The following PPOX variants were observed in gnomAD, a reference collection of about 807,000 sequenced individuals.
PPOX encodes the protein protoporphyrinogen oxidase.
In PPOX, 23 loss-of-function variants were observed where a neutral mutation model predicts 54.1. That is an observed-to-expected ratio of 0.43 (90% confidence interval 0.31 to 0.60). The LOEUF is 0.60. Ranked by LOEUF, PPOX falls within the 20% of genes least tolerant of loss-of-function variation. The pLI is 0.13. For synonymous variants in PPOX, 224 were observed against 236.1 expected (o/e 0.95, Z 0.47); for missense variants, 512 against 601.1 (o/e 0.85, Z 1.55).
rs570626025 is a variant in PPOX at position 161,166,686 on chromosome 1, C to T, written c.-9+14C>T. On this transcript the variant is annotated intron_variant, in intron 1 of 12. Coordinates refer to ENST00000367999, the MANE Select transcript of PPOX (RefSeq NM_001122764.3). ...TACCTATTGTGGGTGAGTCCTGGCC[C>T]CTGGACGGGGACCTCGCTGTTCCAC... 5 of 1,518,800 alleles carry T rather than the reference C, an allele frequency of 3.3e-6. No homozygotes were observed. The South Asian group carries it at 6.2e-5, about 19-fold the overall frequency. 94.1% of individuals were successfully genotyped at this position (1,518,800 alleles called of 1,614,324 possible). A position where few individuals can be genotyped will look rare whatever the true frequency, so the allele number is the denominator to read the frequency against.
intron 4 of PPOX, 75 bp from the exon 5 acceptor site, chr1:161,167,920 T>C: frequency 6.2e-7 from 1 of 1,608,196 alleles, no homozygotes; most frequent in East Asian, 2.2e-5. Flanking sequence ...GCCAAATGAG[T>C]GGAAATGACC....
chr1:161,168,197 A>G (rs1182743780), intron 5 of PPOX, 70 bp downstream of exon 5: 18 of 1,610,274 alleles, frequency 1.1e-5, no homozygotes, highest in Admixed American at 3.3e-5. Context: ...GTTCAAATCT[A>G]CCACCTAGGG....
downstream of PPOX, among the ~76,000 whole-genome samples, chr1:161,174,634 T>C (rs1339708798): frequency 1.1e-4 from 16 of 152,204 alleles, no homozygotes. Flanking sequence ...GATGGTATAT[T>C]AGTTATCTTA....
At chr1:161,167,943 G>A (rs889370941) in intron 4 of PPOX, 52 bp from the exon 5 acceptor site, 29 of 1,613,452 alleles carry the variant, frequency 1.8e-5, no homozygotes, top group Middle Eastern at 1.8e-4. Flanking sequence ...AGCGCCTGGA[G>A]CTGGGGAGGT....
chr1:161,168,042 C>G lies in PPOX; in HGVS notation c.386C>G (p.Ala129Gly). ...CCCTTCTCCAAACCTCTGTTTTGGG[C>G]TGGGCTGAGGGAGCTGACCAAGCCC... ...SPPFSKPLFW[A>G]GLRELTKPRG... The change falls in exon 5 of 13, where the codon GCT becomes GGT. Residue 129 changes from alanine (A) to glycine (G), a missense_variant. Physicochemically the swap from Ala to Gly is moderately conservative, Grantham distance 60. Transcript: ENST00000367999. The G allele has an allele frequency of 6.2e-7, 1 of 1,614,194 alleles. No homozygotes were observed. Among genetic ancestry groups the G allele is most frequent in the Non-Finnish European group, 8.5e-7 (1 of 1,180,042 alleles).
rs559273782 is a variant in PPOX, at chr1:161,171,071, C to G, written c.1329C>G (p.Pro443=). The change falls in exon 13 of 13, where the codon CCC becomes CCG. Residue 443 remains proline, a synonymous_variant. Coordinates refer to ENST00000367999, the MANE Select transcript of PPOX (RefSeq NM_001122764.3). ...ARQFLTAHRL[P]LTLAGASYEG... ...AATTCCTGACTGCTCACAGGTTGCCCCTGACTCTGGCTGGAGCCTCCTATG... is the reference window on the plus strand; with the variant it reads ...AATTCCTGACTGCTCACAGGTTGCCGCTGACTCTGGCTGGAGCCTCCTATG... The G allele has an allele frequency of 6.2e-7, 1 of 1,614,154 alleles. No homozygotes were observed. The highest frequency in any genetic ancestry group is 1.3e-5 in the African/African-American group (1 of 75,022).
chr1:161,167,471 T>C lies in PPOX; in HGVS notation c.323T>C (p.Leu108Pro), dbSNP rs1464580598. Residue 108 changes from leucine (L) to proline (P), a missense_variant, in exon 4 of 13, where the codon CTA becomes CCA. Leu to Pro is a moderately conservative substitution (Grantham distance 98). Coordinates refer to ENST00000367999, the MANE Select transcript of PPOX (RefSeq NM_001122764.3). ...TACGTGGGCGGTGCCCTGCATGCCC[T>C]ACCCACTGGCCTCAGGTAACACCAG... ...FLYVGGALHA[L>P]PTGLRGLLRP... The C allele has an allele frequency of 6.2e-7, 1 of 1,611,690 alleles. No individual in the cohort carries two copies. Among genetic ancestry groups the C allele is most frequent in the Non-Finnish European group, 8.5e-7 (1 of 1,179,666 alleles).
At chr1:161,172,261 G>C (rs958645421), downstream of PPOX, 15 of 1,613,904 alleles carry the variant, frequency 9.3e-6, no homozygotes, top group Non-Finnish European at 1.2e-5. Flanking sequence ...TTATCTCCTC[G>C]GTGCTTCACC....
chr1:161,171,704 G>A (rs950130600), downstream of PPOX: 11 of 1,449,538 alleles, frequency 7.6e-6, no homozygotes, highest in East Asian at 2.5e-4. Flanking sequence ...CCCTAGCACG[G>A]CACCAGAGTT....
downstream of PPOX, chr1:161,171,598 C>A: frequency 3.1e-6 from 2 of 640,674 alleles, no homozygotes; most frequent in South Asian, 4.0e-5. Flanking sequence ...ATCAAGGATT[C>A]ACAGTCATAA....
downstream of PPOX, chr1:161,175,930 G>C (rs367870203): frequency 8.1e-6 from 13 of 1,614,112 alleles, no homozygotes; most frequent in African/African-American, 1.5e-4. Flanking sequence ...GTCAAATGTC[G>C]GTCCCTGATC....
chr1:161,166,454 C>T lies in PPOX; in HGVS notation c.-227C>T. ...CGGAGCGTAGGAGAGACCGAAAAGG[C>T]TGGGGGTGGGAGTAGCGGATTTGAA... is the stretch of plus-strand genomic sequence containing the variant. On this transcript the variant is annotated 5_prime_UTR_variant, in exon 1 of 13. Coordinates refer to ENST00000367999, the MANE Select transcript of PPOX (RefSeq NM_001122764.3). The T allele has an allele frequency of 8.3e-7, 1 of 1,211,864 alleles. No individual in the cohort carries two copies. 75.1% of individuals were successfully genotyped at this position (1,211,864 alleles called of 1,614,324 possible).
chr1:161,171,223 G>T (rs1308167582), downstream of PPOX: 20 of 1,611,948 alleles, frequency 1.2e-5, no homozygotes, highest in African/African-American at 2.7e-5. Flanking sequence ...AGCTTGGCTT[G>T]GTCTGGCTGT....
intron 5 of PPOX, 89 bp downstream of exon 5, chr1:161,168,216 G>A (rs1234407638): frequency 2.5e-6 from 4 of 1,601,808 alleles, no homozygotes; most frequent in African/African-American, 1.3e-5. Context: ...GGGCTCTTCT[G>A]TATCATTTGG....
downstream of PPOX, chr1:161,177,072 C>T (rs1315198184): frequency 2.6e-6 from 4 of 1,535,438 alleles, no homozygotes; most frequent in East Asian, 4.9e-5. Flanking sequence ...TCTACCTTTC[C>T]CCTCTTCTAG....
At position 161,168,720 on chromosome 1, in the gene PPOX, C is replaced by A. The variant is rs1459673509; in HGVS notation, c.616+144C>A. 3 of 1,188,016 alleles carry A rather than the reference C, an allele frequency of 2.5e-6. No homozygotes were observed. The African/African-American group carries it at 4.6e-5, about 18-fold the overall frequency. The allele number at this position is 1,188,016 out of a possible 1,614,324, so 73.6% of individuals were successfully genotyped here. A position where few individuals can be genotyped will look rare whatever the true frequency, so the allele number is the denominator to read the frequency against. ...CTGCCTAGGCTGGAGTGCAGTGGTG[C>A]AATCTCAGATCGGCTCGCTGCAACC... is the stretch of plus-strand genomic sequence containing the variant. On this transcript the variant is annotated intron_variant, in intron 6 of 12. Transcript: ENST00000367999.
At position 161,166,430 on chromosome 1, in the gene PPOX, G is replaced by A. The variant is rs368129128; in HGVS notation, c.-251G>A. The A allele has an allele frequency of 1.8e-6, 2 of 1,136,998 alleles. No individual in the cohort carries two copies. Among genetic ancestry groups the A allele is most frequent in the Non-Finnish European group, 2.2e-6 (2 of 918,252 alleles). 70.4% of individuals were successfully genotyped at this position (1,136,998 alleles called of 1,614,324 possible). On this transcript the variant is annotated 5_prime_UTR_variant, in exon 1 of 13. Coordinates refer to ENST00000367999, the MANE Select transcript of PPOX (RefSeq NM_001122764.3). Reference sequence around the variant, plus strand: ...CGCGTGCCGCGAGAACAGAGTGGACGGAGCGTAGGAGAGACCGAAAAGGCT... The same window carrying A: ...CGCGTGCCGCGAGAACAGAGTGGACAGAGCGTAGGAGAGACCGAAAAGGCT...
At position 161,176,842 on chromosome 1, in the gene PPOX, CCCCCAGA is replaced by C; in HGVS notation, c.373-4_375del. 1 of 1,534,606 alleles carries C rather than the reference CCCCCAGA, an allele frequency of 6.5e-7. No individual in the cohort carries two copies. The highest frequency in any genetic ancestry group is 8.7e-7 in the Non-Finnish European group (1 of 1,145,482). On this transcript the variant is annotated splice_acceptor_variant and splice_polypyrimidine_tract_variant and coding_sequence_variant and intron_variant, in exon 5 of 5. Coordinates refer to the PPOX transcript ENST00000497522. LOFTEE classifies it high-confidence loss of function. ...GGACAGCTAATGGAAACATTGTTTT[CCCCCAGA>C]CCAAGAACCAGTTGAAGTGGCGACA...
chr1:161,171,911 G>A, downstream of PPOX: 1 of 1,614,198 alleles, frequency 6.2e-7, no homozygotes. Flanking sequence ...CGGAAGGCTT[G>A]GGAGGAACCA....
Sources: allele counts gnomAD v4.1 joint callset (sites outside exome capture counted in the v4.1 genomes callset), GRCh38; gene constraint gnomAD v4.1.1; transcripts MANE v1.5; gene names NCBI Gene and HGNC (gene_info 2026-07-23, HGNC 2026-07-21).